RANBP2: variants seen among roughly 807,000 people sequenced by gnomAD.
RANBP2 encodes E3 SUMO-protein ligase RanBP2.
Under a neutral mutation model 303.6 loss-of-function variants are expected in RANBP2, and 57 were observed. That is an observed-to-expected ratio of 0.19 (90% CI 0.15 to 0.23). The LOEUF (loss-of-function observed/expected upper bound fraction) is 0.23. Ranked by LOEUF, RANBP2 falls within the 10% of genes least tolerant of loss-of-function variation. The probability of loss-of-function intolerance (pLI) is 1.00; values close to 1 mark genes in which losing one functional copy is unlikely to be tolerated. For missense variants in RANBP2, 3,138 were observed against 3,780.8 expected, an observed-to-expected ratio of 0.83 and a Z score of 4.46; for synonymous variants, 1,167 against 1,301.5, an observed-to-expected ratio of 0.90 and a Z score of 2.23.
the RANBP2 span, among the ~76,000 whole-genome samples, chr2:109,370,817 A>G: frequency 6.6e-6 from 1 of 152,012 alleles, no homozygotes; most frequent in East Asian, 1.9e-4. Context: ...TTGTGCATTT[A>G]TACTTGGTAT....
the RANBP2 span, chr2:109,432,579 C>T: frequency 1.7e-3 from 2,795 of 1,613,520 alleles, 59 homozygotes; most frequent in African/African-American, 0.033. Flanking sequence ...ACCGGGTCCT[C>T]GAGAAGTGTC....
the RANBP2 span, among the ~76,000 whole-genome samples, chr2:109,410,175 G>T: frequency 6.6e-6 from 1 of 152,212 alleles, no homozygotes; most frequent in South Asian, 2.1e-4. Flanking sequence ...GGGGAACCGC[G>T]GCCACAGCAC....
At chr2:108,838,715 C>T in the RANBP2 span, among the ~76,000 whole-genome samples, 1 of 152,082 alleles carries the variant, frequency 6.6e-6, no homozygotes, top group Non-Finnish European at 1.5e-5. Flanking sequence ...ACTCCAGTTT[C>T]TGAAATCCAG....
At chr2:109,118,304 C>T in the RANBP2 span, among the ~76,000 whole-genome samples, 3 of 152,056 alleles carry the variant, frequency 2.0e-5, no homozygotes, top group Non-Finnish European at 4.4e-5. Context: ...AAATGCTGCT[C>T]CTGTTCTGGG....
the RANBP2 span, chr2:109,613,968 CA>C: frequency 8.3e-7 from 1 of 1,201,002 alleles, no homozygotes; most frequent in Non-Finnish European, 1.0e-6. Flanking sequence ...GGGGAAGGGA[CA>C]GGGGCGGGGC....
At chr2:109,613,931 G>C in the RANBP2 span, 2 of 1,221,614 alleles carry the variant, frequency 1.6e-6, no homozygotes, top group South Asian at 4.1e-5. Context: ...CAACGGGCGG[G>C]GCGCGAGGCT....
chr2:109,703,326 G>A, the RANBP2 span, among the ~76,000 whole-genome samples: 4 of 152,156 alleles, frequency 2.6e-5, no homozygotes, highest in Non-Finnish European at 5.9e-5. Flanking sequence ...AACTCTAATC[G>A]AATAGCACTG....
At chr2:109,631,511 T>C in the RANBP2 span, among the ~76,000 whole-genome samples, 2 of 152,102 alleles carry the variant, frequency 1.3e-5, no homozygotes, top group Admixed American at 6.5e-5. Flanking sequence ...ATCCCAGCAT[T>C]TTGGAAGGCC....
chr2:109,146,893 C>G, the RANBP2 span, among the ~76,000 whole-genome samples: 3 of 96,864 alleles, frequency 3.1e-5, no homozygotes, highest in Admixed American at 1.2e-4. Context: ...CCTCCCCCCC[C>G]CCCCCCCCGC....
the RANBP2 span, among the ~76,000 whole-genome samples, chr2:109,676,450 G>A: frequency 4.6e-5 from 7 of 152,162 alleles, no homozygotes; most frequent in Admixed American, 2.0e-4. Context: ...ACCCATCTGC[G>A]GGGCGGGCTG....
chr2:109,175,324 G>T, the RANBP2 span, among the ~76,000 whole-genome samples: 6 of 152,124 alleles, frequency 3.9e-5, no homozygotes, highest in Non-Finnish European at 8.8e-5. Flanking sequence ...GATGTCTGAG[G>T]GGTTTGTATT....
the RANBP2 span, among the ~76,000 whole-genome samples, chr2:109,517,402 C>G: frequency 7.2e-5 from 11 of 152,328 alleles, no homozygotes; most frequent in Admixed American, 2.6e-4. Flanking sequence ...TTGCAGGAGT[C>G]TCTGCTGGAA....
chr2:108,775,370 C>T, intron 23 of RANBP2, among the ~76,000 whole-genome samples: 1 of 152,210 alleles, frequency 6.6e-6, no homozygotes, highest in South Asian at 2.1e-4. Flanking sequence ...AAAGTAGAGT[C>T]TCTTTTTTTG....
the RANBP2 span, among the ~76,000 whole-genome samples, chr2:109,648,608 G>T: frequency 6.6e-6 from 1 of 151,100 alleles, no homozygotes; most frequent in Non-Finnish European, 1.5e-5. Flanking sequence ...CTCCCAAAGT[G>T]CTGGGATTAC....
At chr2:109,650,810 AGC>A in the RANBP2 span, among the ~76,000 whole-genome samples, 1 of 152,178 alleles carries the variant, frequency 6.6e-6, no homozygotes, top group Non-Finnish European at 1.5e-5. Context: ...GAGGCCTCCC[AGC>A]CATGTGGACC....
intron 7 of RANBP2, among the ~76,000 whole-genome samples, chr2:108,742,659 T>C (rs1409635441): frequency 6.6e-6 from 1 of 152,196 alleles, no homozygotes; most frequent in East Asian, 1.9e-4. Context: ...GTGCTAATAT[T>C]TGCTCAGTAG....
chr2:109,142,923 C>T, the RANBP2 span, among the ~76,000 whole-genome samples: 155 of 152,228 alleles, frequency 1.0e-3, no homozygotes, highest in African/African-American at 3.3e-3. Context: ...TGACAATTGT[C>T]GTGCTGACAG....
At chr2:109,625,761 G>A in the RANBP2 span, among the ~76,000 whole-genome samples, 3 of 152,220 alleles carry the variant, frequency 2.0e-5, no homozygotes, top group East Asian at 1.9e-4. Flanking sequence ...AAAGAAAAGC[G>A]AATTGCAGAC....
the RANBP2 span, among the ~76,000 whole-genome samples, chr2:109,018,167 G>A: frequency 2.6e-5 from 4 of 152,176 alleles, no homozygotes; most frequent in Admixed American, 2.0e-4. Flanking sequence ...TATCCATGAC[G>A]ACTTCAGTGA....
Sources: allele counts gnomAD v4.1 joint callset (sites outside exome capture counted in the v4.1 genomes callset), GRCh38; gene constraint gnomAD v4.1.1; transcripts MANE v1.5; gene names NCBI Gene and HGNC (gene_info 2026-07-23, HGNC 2026-07-21).